Variants in PAX5 observed in about 807,000 individuals in gnomAD.
The protein encoded by PAX5 is paired box 5, also known as paired box protein Pax-5.
A neutral mutation model predicts 43.7 loss-of-function variants in PAX5; 9 were observed. The observed-to-expected ratio is 0.21, with a 90% CI of 0.12 to 0.36. PAX5 has a LOEUF of 0.36. PAX5 is among the 10% of genes least tolerant of loss of function. PAX5 has a pLI of 1.00. For missense variants in PAX5, 383 were observed against 532.7 expected (o/e 0.72, Z 2.77); for synonymous variants, 228 against 214.3 (o/e 1.06, Z -0.56).
chr9:36,843,926 C>A (rs1822318980), intron 9 of PAX5, among the ~76,000 whole-genome samples: 1 of 152,184 alleles, frequency 6.6e-6, no homozygotes, highest in Non-Finnish European at 1.5e-5. Context: ...TGCTGGCTGG[C>A]AGCAGGGCTG....
intron 6 of PAX5, among the ~76,000 whole-genome samples, chr9:36,957,231 T>C (rs1386697401): frequency 6.6e-6 from 1 of 152,128 alleles, no homozygotes; most frequent in Admixed American, 6.5e-5. Context: ...AGTTCCATCT[T>C]CCCCTCCTGC....
At chr9:36,953,462 C>G (rs894582953) in intron 6 of PAX5, among the ~76,000 whole-genome samples, 1 of 152,106 alleles carries the variant, frequency 6.6e-6, no homozygotes, top group Non-Finnish European at 1.5e-5. Flanking sequence ...TATAAATATG[C>G]TATGCCTCTT....
At chr9:36,981,073 C>T (rs1048425034) in intron 5 of PAX5, among the ~76,000 whole-genome samples, 1 of 152,158 alleles carries the variant, frequency 6.6e-6, no homozygotes. Context: ...TTGCTGTTCC[C>T]TCTCTCCGGA....
At chr9:36,997,931 T>C (rs1199434614) in intron 5 of PAX5, among the ~76,000 whole-genome samples, 2 of 152,342 alleles carry the variant, frequency 1.3e-5, no homozygotes, top group African/African-American at 2.4e-5. Context: ...ACAGAAGCAT[T>C]GGCCACCCAG....
rs944110822 is a variant in PAX5 at position 36,862,355 on chromosome 9, C to T, written c.1013-15426G>A. On this transcript the variant is annotated intron_variant, in intron 8 of 9. Coordinates refer to ENST00000358127, the MANE Select transcript of PAX5 (RefSeq NM_016734.3). The stretch of plus-strand genomic sequence containing the variant: ...GGGGAGCCTGGTCAATTCTCCCGCC[C>T]GCAGCAATGAACTTCGCAGGCAGCA... Among the ~76,000 whole-genome samples the T allele has an allele frequency of 3.3e-5, 5 of 152,108 alleles. No individual in the cohort carries two copies. In the South Asian group the frequency reaches 6.2e-4, roughly 19 times the overall value.
chr9:36,925,991 C>T lies in PAX5; in HGVS notation c.781-2507G>A, dbSNP rs570852191. On this transcript the variant is annotated intron_variant, in intron 6 of 9. Transcript: ENST00000358127. ...CAATTGCATCAAAATCTCACACTCA[C>T]TGAGCATTCACTCTGTACCAGGAGC... Among the ~76,000 whole-genome samples, 35 of 152,340 alleles carry T rather than the reference C, an allele frequency of 2.3e-4. 1 individual carries two copies. In the South Asian group the frequency reaches 7.0e-3, roughly 31 times the overall value.
Position 36,991,761 on chromosome 9 carries a change from T to C in PAX5, c.604+10887A>G, listed in dbSNP as rs1163589096. Among the ~76,000 whole-genome samples, 3 of 148,814 alleles carry C rather than the reference T, an allele frequency of 2.0e-5. No homozygotes were observed. In the Admixed American group the frequency reaches 2.0e-4, roughly 10 times the overall value. Reference sequence around the variant, plus strand: ...GCTGTCCTGGGTCGATGGTGCCACCTGGTGGCTGGTGCTGGGAAGTGTCTG... The same window carrying C: ...GCTGTCCTGGGTCGATGGTGCCACCCGGTGGCTGGTGCTGGGAAGTGTCTG... On this transcript the variant is annotated intron_variant, in intron 5 of 9. Transcript: ENST00000358127.
chr9:36,940,028 A>T (rs1831912034), intron 6 of PAX5, among the ~76,000 whole-genome samples: 1 of 152,186 alleles, frequency 6.6e-6, no homozygotes, highest in South Asian at 2.1e-4. Context: ...CCTGCAAGGC[A>T]CCCACTCCAG....
intron 7 of PAX5, among the ~76,000 whole-genome samples, chr9:36,897,788 C>T (rs148307449): frequency 1.1e-4 from 17 of 152,338 alleles, no homozygotes; most frequent in African/African-American, 4.1e-4. Flanking sequence ...CCAGGGCGCT[C>T]ATGTCCCTGA....
At chr9:36,916,630 G>A (rs943298074) in intron 7 of PAX5, among the ~76,000 whole-genome samples, 2 of 151,912 alleles carry the variant, frequency 1.3e-5, no homozygotes, top group Non-Finnish European at 2.9e-5. Flanking sequence ...TTATTCCCAG[G>A]TGAGATATAT....
chr9:36,899,397 C>G (rs1828167009), intron 7 of PAX5, among the ~76,000 whole-genome samples: 1 of 152,216 alleles, frequency 6.6e-6, no homozygotes, highest in African/African-American at 2.4e-5. Context: ...CCCTGTGGTA[C>G]CCATCACGAT....
intron 5 of PAX5, among the ~76,000 whole-genome samples, chr9:36,975,123 T>C (rs1656943271): frequency 6.6e-6 from 1 of 152,226 alleles, no homozygotes; most frequent in African/African-American, 2.4e-5. Flanking sequence ...TGGATTCTAC[T>C]CTTCACAAAC....
intron 1 of PAX5, among the ~76,000 whole-genome samples, chr9:37,031,676 C>T (rs1487223764): frequency 6.6e-6 from 1 of 151,806 alleles, no homozygotes; most frequent in African/African-American, 2.4e-5. Context: ...GAACAAGTCC[C>T]TTCCCCTCTC....
At chr9:36,965,505 T>C (rs901850687) in intron 6 of PAX5, among the ~76,000 whole-genome samples, 1 of 152,236 alleles carries the variant, frequency 6.6e-6, no homozygotes, top group Admixed American at 6.5e-5. Flanking sequence ...CTGTCATAGA[T>C]GGGTGGCCCC....
intron 9 of PAX5, among the ~76,000 whole-genome samples, chr9:36,843,505 T>C (rs1230519605): frequency 6.6e-6 from 1 of 152,176 alleles, no homozygotes; most frequent in African/African-American, 2.4e-5. Context: ...TCAATTTACA[T>C]CCGAGGCAAC....
chr9:37,000,705 C>A (rs1348005952), intron 5 of PAX5, among the ~76,000 whole-genome samples: 2 of 152,182 alleles, frequency 1.3e-5, no homozygotes, highest in African/African-American at 2.4e-5. Flanking sequence ...CTTACATATC[C>A]CCAGAGATAG....
chr9:37,005,487 C>T (rs892050410), intron 4 of PAX5, among the ~76,000 whole-genome samples: 2 of 152,186 alleles, frequency 1.3e-5, no homozygotes, highest in Non-Finnish European at 2.9e-5. Context: ...GGTTAGTGCC[C>T]CTCCACCCAC....
At position 36,869,895 on chromosome 9, in the gene PAX5, A is replaced by ATGG. The variant is rs1825283975; in HGVS notation, c.1012+12108_1012+12109insCCA. Reference sequence around the variant, plus strand: ...GGATAAATGGATGGATGGATGGATAAATGGATGGATGGATGGATGGATGGA... The same window carrying ATGG: ...GGATAAATGGATGGATGGATGGATAATGGATGGATGGATGGATGGATGGATGGA... On this transcript the variant is annotated intron_variant, in intron 8 of 9. Transcript: ENST00000358127. 2.0e-4 allele frequency among the ~76,000 whole-genome samples: 10 copies of ATGG among 49,402 alleles called. No individual in the cohort carries two copies. In the East Asian group the frequency reaches 2.2e-3, roughly 11 times the overall value. The allele number at this position is 49,402 out of a possible 152,430, so 32.4% of individuals were successfully genotyped here.
At chr9:36,888,081 C>T (rs1187257181) in intron 7 of PAX5, among the ~76,000 whole-genome samples, 1 of 152,218 alleles carries the variant, frequency 6.6e-6, no homozygotes, top group Non-Finnish European at 1.5e-5. Context: ...TAAAACACCA[C>T]TTCATACCCA....
Sources: allele counts gnomAD v4.1 joint callset (sites outside exome capture counted in the v4.1 genomes callset), GRCh38; gene constraint gnomAD v4.1.1; transcripts MANE v1.5; gene names NCBI Gene and HGNC (gene_info 2026-07-23, HGNC 2026-07-21).